The following UBTD1 variants were observed in gnomAD, a reference collection of about 807,000 sequenced individuals.
UBTD1 encodes ubiquitin domain containing 1.
A neutral mutation model predicts 21.7 loss-of-function variants in UBTD1; 19 were observed. That is an observed-to-expected ratio of 0.87 (90% CI 0.61 to 1.28). UBTD1 has a LOEUF of 1.28. Ranked by LOEUF, UBTD1 falls within the 50% of genes most tolerant of loss-of-function variation. UBTD1 has a pLI of 0.00. For missense variants in UBTD1, 282 were observed against 315.1 expected (o/e 0.89, Z 0.80); for synonymous variants, 116 against 135.1 (o/e 0.86, Z 0.98).
At chr10:97,534,579 G>A (rs12570517) in intron 1 of UBTD1, among the ~76,000 whole-genome samples, 33,716 of 144,784 alleles carry the variant, frequency 0.23, 4,308 homozygotes, top group East Asian at 0.41. Context: ...ACGCGCGCGC[G>A]CACACACACA....
intron 1 of UBTD1, among the ~76,000 whole-genome samples, chr10:97,535,073 TG>T (rs762770880): frequency 1.3e-5 from 2 of 152,192 alleles, no homozygotes; most frequent in Non-Finnish European, 2.9e-5. Flanking sequence ...CTCTGGAGGC[TG>T]GGGGCTTCTG....
intron 1 of UBTD1, among the ~76,000 whole-genome samples, chr10:97,517,791 T>G (rs1448206358): frequency 6.6e-6 from 1 of 152,078 alleles, no homozygotes; most frequent in Admixed American, 6.5e-5. Context: ...AGGCCTCATG[T>G]CTGAGGGTCT....
Position 97,570,176 on chromosome 10 carries a change from T to TC in UBTD1, c.337_338insC (p.Tyr113SerfsTer36). On this transcript the variant is annotated frameshift_variant, in exon 3 of 3. Transcript: ENST00000370664. LOFTEE classifies it high-confidence loss of function. The surrounding 1 kb of genome is among the most constrained non-coding windows in gnomAD (Gnocchi z 6.6). ...ATGCTACGATGAGCTGGGCAATCGC[T>TC]ACCAGCTGCCCATCTACTGCCTGTC... The TC allele has an allele frequency of 6.2e-7, 1 of 1,612,532 alleles. No homozygotes were observed. The highest frequency in any genetic ancestry group is 8.5e-7 in the Non-Finnish European group (1 of 1,179,524).
At chr10:97,561,301 G>A (rs374961364) in intron 1 of UBTD1, among the ~76,000 whole-genome samples, 3 of 152,046 alleles carry the variant, frequency 2.0e-5, no homozygotes, top group Admixed American at 6.6e-5. Flanking sequence ...GAGTTACCTC[G>A]TTTCCTGGTC....
At chr10:97,527,931 T>A (rs12781301) in intron 1 of UBTD1, among the ~76,000 whole-genome samples, 63,878 of 152,018 alleles carry the variant, frequency 0.42, 14,497 homozygotes, top group Non-Finnish European at 0.51. Context: ...ACCGCCATTG[T>A]CATCATGGCC....
chr10:97,514,720 A>C (rs2040437455), intron 1 of UBTD1, among the ~76,000 whole-genome samples: 1 of 152,122 alleles, frequency 6.6e-6, no homozygotes, highest in Non-Finnish European at 1.5e-5. Context: ...CATCTGAGTG[A>C]TGAAGGAGTT....
chr10:97,518,358 C>T (rs1185500636), intron 1 of UBTD1, among the ~76,000 whole-genome samples: 5 of 152,292 alleles, frequency 3.3e-5, no homozygotes, highest in East Asian at 3.9e-4. Flanking sequence ...TGCCCCTCCC[C>T]GAGGACAAGG....
At chr10:97,502,887 G>GAA (rs1554863505) in intron 1 of UBTD1, among the ~76,000 whole-genome samples, 1 of 144,270 alleles carries the variant, frequency 6.9e-6, no homozygotes, top group East Asian at 2.0e-4. Context: ...ATATATATAC[G>GAA]TATATATATG....
intron 1 of UBTD1, among the ~76,000 whole-genome samples, chr10:97,532,292 C>T (rs1022604583): frequency 2.0e-5 from 3 of 152,206 alleles, no homozygotes; most frequent in Non-Finnish European, 1.5e-5. Flanking sequence ...CCTCCCAAAG[C>T]CTTTCCTGAG....
chr10:97,534,070 C>A (rs1229132405), intron 1 of UBTD1, among the ~76,000 whole-genome samples: 1 of 152,226 alleles, frequency 6.6e-6, no homozygotes, highest in Non-Finnish European at 1.5e-5. Flanking sequence ...CAGCTGCAAC[C>A]TTTTCTGGCC....
rs1564746629 is a variant in UBTD1, at chr10:97,570,462, A to G, written c.623A>G (p.Lys208Arg). The change falls in exon 3 of 3, where the codon AAG (lysine) becomes AGG (arginine). Residue 208 changes from lysine (K) to arginine (R), a missense_variant. Lys to Arg is a conservative substitution (Grantham distance 26). Coordinates refer to ENST00000370664, the MANE Select transcript of UBTD1 (RefSeq NM_024954.5). This position sits in a 1 kb window ranked among gnomAD's most constrained non-coding sequence, Gnocchi z 6.6. ...GACCGCACACGGCTCCAGGAGACCAAGATCCAGAAAGATTTTGTCATCCAG... is the reference window on the plus strand; with the variant it reads ...GACCGCACACGGCTCCAGGAGACCAGGATCCAGAAAGATTTTGTCATCCAG... ...LTDRTRLQET[K>R]IQKDFVIQVI... 1.2e-6 allele frequency: 2 copies of G among 1,612,494 alleles called. No individual in the cohort carries two copies. Among genetic ancestry groups the G allele is most frequent in the Non-Finnish European group, 1.7e-6 (2 of 1,179,400 alleles).
chr10:97,556,153 A>G (rs924532049), intron 1 of UBTD1, among the ~76,000 whole-genome samples: 2 of 152,168 alleles, frequency 1.3e-5, no homozygotes, highest in African/African-American at 4.8e-5. Context: ...TCCTATTACT[A>G]TTATTACTCT....
intron 1 of UBTD1, among the ~76,000 whole-genome samples, chr10:97,525,929 T>TA (rs1227072750): frequency 2.0e-5 from 3 of 152,210 alleles, no homozygotes; most frequent in Non-Finnish European, 4.4e-5. Context: ...TGTTTGGCTT[T>TA]TATTTTTAGG....
chr10:97,520,555 G>A (rs2040462920), intron 1 of UBTD1, among the ~76,000 whole-genome samples: 2 of 152,184 alleles, frequency 1.3e-5, no homozygotes, highest in South Asian at 4.1e-4. Context: ...AGAGAATTAT[G>A]GGGTAGGAGA....
chr10:97,541,943 C>T (rs2040589176), intron 1 of UBTD1, among the ~76,000 whole-genome samples: 1 of 151,970 alleles, frequency 6.6e-6, no homozygotes, highest in South Asian at 2.1e-4. Flanking sequence ...ACCATGTTTA[C>T]CAGGCTGGTC....
intron 1 of UBTD1, among the ~76,000 whole-genome samples, chr10:97,567,461 C>T (rs1194890416): frequency 1.3e-5 from 2 of 150,292 alleles, no homozygotes; most frequent in Non-Finnish European, 3.0e-5. Flanking sequence ...GAGTTTGAGA[C>T]CAGCCTGACT....
At chr10:97,521,780 C>T (rs1457285793) in intron 1 of UBTD1, among the ~76,000 whole-genome samples, 4 of 152,208 alleles carry the variant, frequency 2.6e-5, no homozygotes, top group Non-Finnish European at 4.4e-5. Flanking sequence ...TGGAGTGGGT[C>T]ACACACCCAC....
intron 1 of UBTD1, among the ~76,000 whole-genome samples, chr10:97,537,015 C>T (rs771234764): frequency 1.3e-5 from 2 of 152,060 alleles, no homozygotes; most frequent in African/African-American, 2.4e-5. Flanking sequence ...GACGTGCATT[C>T]GGACAACAAG....
chr10:97,524,017 T>C (rs2040477096), intron 1 of UBTD1, among the ~76,000 whole-genome samples: 1 of 152,202 alleles, frequency 6.6e-6, no homozygotes, highest in African/African-American at 2.4e-5. Flanking sequence ...TTTGGTTTTG[T>C]GTTCCTCAGC....
Sources: gnomAD v4.1 joint callset for allele counts (sites outside exome capture counted in the v4.1 genomes callset) on GRCh38, gnomAD v4.1.1 for gene constraint, Gnocchi (gnomAD v3.1) non-coding constraint, MANE v1.5 for transcripts, NCBI Gene and HGNC (gene_info 2026-07-23, HGNC 2026-07-21) for gene names.